Variants in ZNF140 observed in about 807,000 individuals in gnomAD.
ZNF140 encodes the protein zinc finger protein 140, also known as zinc finger protein 140 (clone pHZ-39).
ZNF140 carries 13 observed loss-of-function variants against 12.9 expected under a neutral mutation model. That is an observed-to-expected ratio of 1.01 (90% CI 0.66 to 1.60). The LOEUF is 1.60. Ranked by LOEUF, ZNF140 falls within the 40% of genes most tolerant of loss-of-function variation. ZNF140 has a pLI of 0.00. For synonymous variants in ZNF140, 214 were observed against 186.7 expected, an observed-to-expected ratio of 1.15 and a Z score of -1.19; for missense variants, 531 against 548.8, an observed-to-expected ratio of 0.97 and a Z score of 0.32.
At chr12:133,092,374 A>G (rs1282810483) in intron 4 of ZNF140, among the ~76,000 whole-genome samples, 2 of 151,182 alleles carry the variant, frequency 1.3e-5, no homozygotes, top group Non-Finnish European at 2.9e-5. Context: ...TAAACAATCT[A>G]CAATTTTCAC....
intron 4 of ZNF140, among the ~76,000 whole-genome samples, chr12:133,102,996 CTA>C (rs1248912314): frequency 2.6e-5 from 4 of 152,098 alleles, no homozygotes; most frequent in Non-Finnish European, 5.9e-5. Context: ...GGCAAATACA[CTA>C]AATCTGTGCA....
chr12:133,104,635 G>A (rs778324695), intron 4 of ZNF140, among the ~76,000 whole-genome samples: 1 of 152,162 alleles, frequency 6.6e-6, no homozygotes, highest in Non-Finnish European at 1.5e-5. Context: ...ACAGGCGTGA[G>A]CCACTGCGCC....
chr12:133,095,088 A>G (rs1382821459), intron 4 of ZNF140, among the ~76,000 whole-genome samples: 4 of 151,014 alleles, frequency 2.6e-5, no homozygotes, highest in African/African-American at 7.4e-5. Flanking sequence ...TAATAGCCCA[A>G]TCATTCCATA....
In ZNF140 at chr12:133,106,414, C is replaced by T; in HGVS notation, c.1137C>T (p.His379=). ...HASLIQHTKS[H]TGEKPYACAE... ...CCCTTATTCAACATACGAAGAGTCA[C>T]ACTGGAGAGAAACCCTATGCGTGTG... Residue 379 remains histidine, a synonymous_variant, in exon 5 of 5, where the codon CAC becomes CAT. Transcript: ENST00000355557. 6.2e-7 allele frequency: 1 copy of T among 1,614,142 alleles called. No individual in the cohort carries two copies. Among genetic ancestry groups the T allele is most frequent in the Non-Finnish European group, 8.5e-7 (1 of 1,180,014 alleles).
chr12:133,096,049 G>A (rs11830576), intron 4 of ZNF140, among the ~76,000 whole-genome samples: 2,173 of 144,540 alleles, frequency 0.015, 38 homozygotes, highest in Non-Finnish European at 0.021. Context: ...GACCCTTTAT[G>A]GGTGTCGGGC....
chr12:133,094,510 A>T (rs1013844165), intron 4 of ZNF140, among the ~76,000 whole-genome samples: 1 of 151,220 alleles, frequency 6.6e-6, no homozygotes, highest in African/African-American at 2.4e-5. Context: ...GTTAGCATGC[A>T]CCATCTGCCT....
chr12:133,093,662 A>G (rs1954972986), intron 4 of ZNF140, among the ~76,000 whole-genome samples: 2 of 151,194 alleles, frequency 1.3e-5, no homozygotes, highest in Non-Finnish European at 1.5e-5. Context: ...TACCAGTAAA[A>G]TGTTGTTCTG....
intron 4 of ZNF140, among the ~76,000 whole-genome samples, chr12:133,086,680 T>C (rs1371886440): frequency 1.3e-5 from 2 of 152,212 alleles, no homozygotes; most frequent in Non-Finnish European, 2.9e-5. Context: ...CTTTTATGTT[T>C]AGTATTTTTT....
chr12:133,097,819 ATGTGTG>A (rs71079166), intron 4 of ZNF140, among the ~76,000 whole-genome samples: 59 of 143,232 alleles, frequency 4.1e-4, no homozygotes, highest in Non-Finnish European at 7.7e-4. Flanking sequence ...ACATCTAACC[ATGTGTG>A]TGTGTGTGTG....
chr12:133,094,178 A>G (rs887400567), intron 4 of ZNF140, among the ~76,000 whole-genome samples: 4 of 151,286 alleles, frequency 2.6e-5, no homozygotes, highest in Non-Finnish European at 5.9e-5. Context: ...TATCAACATA[A>G]TGAATAATAC....
intron 3 of ZNF140, 102 bp from the exon 4 acceptor site, chr12:133,083,364 C>T: frequency 2.0e-6 from 3 of 1,502,848 alleles, no homozygotes; most frequent in East Asian, 2.3e-5. Context: ...GTAACTGCAC[C>T]TTATTTTTAG....
chr12:133,103,303 A>G (rs1646253451), intron 4 of ZNF140, among the ~76,000 whole-genome samples: 2 of 152,154 alleles, frequency 1.3e-5, no homozygotes, highest in East Asian at 1.9e-4. Flanking sequence ...TACCTGTCCA[A>G]CACCCCCTTT....
chr12:133,085,022 A>T (rs1390721153), intron 4 of ZNF140, among the ~76,000 whole-genome samples: 1 of 151,918 alleles, frequency 6.6e-6, no homozygotes, highest in Non-Finnish European at 1.5e-5. Context: ...CTCTAATTCT[A>T]CTACTTTTTT....
chr12:133,107,249 A>T lies in ZNF140; in HGVS notation c.*598A>T, dbSNP rs1000261700. 6 of 152,206 alleles carry T rather than the reference A, an allele frequency of 3.9e-5. No homozygotes were observed. The highest frequency in any genetic ancestry group is 1.4e-4 in the African/African-American group (6 of 41,456). The allele number at this position is 152,206 out of a possible 1,614,324, so 9.4% of individuals were successfully genotyped here. ...GCAATATTTCAAACCTATATCAGAGAATTACACTGTGGGAAAACTACCATT... is the reference window on the plus strand; with the variant it reads ...GCAATATTTCAAACCTATATCAGAGTATTACACTGTGGGAAAACTACCATT... On this transcript the variant is annotated 3_prime_UTR_variant, in exon 5 of 5. Coordinates refer to ENST00000355557, the MANE Select transcript of ZNF140 (RefSeq NM_003440.4).
rs956916921 is a variant in ZNF140, at chr12:133,089,375, A to G, written c.232+5814A>G. On this transcript the variant is annotated intron_variant, in intron 4 of 4. Coordinates refer to ENST00000355557, the MANE Select transcript of ZNF140 (RefSeq NM_003440.4). ...ACTACAGGTGCGCTCCACCATGCCCAGCTCATTTTTGTATTTTTTGCAGAG... is the reference window on the plus strand; with the variant it reads ...ACTACAGGTGCGCTCCACCATGCCCGGCTCATTTTTGTATTTTTTGCAGAG... Among the ~76,000 whole-genome samples, 465 of 151,916 alleles carry G rather than the reference A, an allele frequency of 3.1e-3. 11 individuals carry two copies. The highest frequency in any genetic ancestry group is 0.024 in the Admixed American group (366 of 15,246).
chr12:133,089,643 A>G (rs55755933), intron 4 of ZNF140, among the ~76,000 whole-genome samples: 66,587 of 152,022 alleles, frequency 0.44, 14,885 homozygotes, highest in Non-Finnish European at 0.47. Context: ...GGGCAGAGTT[A>G]TTCATGGTAT....
At chr12:133,095,944 G>A (rs919785813) in intron 4 of ZNF140, among the ~76,000 whole-genome samples, 38 of 149,822 alleles carry the variant, frequency 2.5e-4, no homozygotes, top group Non-Finnish European at 3.9e-4. Flanking sequence ...GTTTTATACC[G>A]AGACATTCAG....
At chr12:133,089,508 G>T (rs1212104721) in intron 4 of ZNF140, among the ~76,000 whole-genome samples, 6 of 151,894 alleles carry the variant, frequency 4.0e-5, no homozygotes, top group African/African-American at 1.5e-4. Flanking sequence ...GCCACCACAC[G>T]CAGCCTCATT....
intron 1 of ZNF140, 92 bp from the exon 2 acceptor site, chr12:133,081,181 G>A: frequency 2.4e-6 from 1 of 422,492 alleles, no homozygotes; most frequent in Non-Finnish European, 4.4e-6. Context: ...GGCGCGGAGC[G>A]GGGGCCACGG....
Sources: allele counts gnomAD v4.1 joint callset (sites outside exome capture counted in the v4.1 genomes callset), GRCh38; gene constraint gnomAD v4.1.1; transcripts MANE v1.5; gene names NCBI Gene and HGNC (gene_info 2026-07-23, HGNC 2026-07-21).